The following MAP3K7 variants were observed in gnomAD, a reference collection of about 807,000 sequenced individuals.
MAP3K7 encodes mitogen-activated protein kinase kinase kinase 7.
MAP3K7 carries 21 observed loss-of-function variants against 84.8 expected under a neutral mutation model. That is an observed-to-expected ratio of 0.25 (90% CI 0.18 to 0.36). The LOEUF is 0.36. MAP3K7 is among the 10% of genes least tolerant of loss of function. The pLI is 1.00. For missense variants in MAP3K7, 503 were observed against 747.7 expected, an observed-to-expected ratio of 0.67 and a Z score of 3.82; for synonymous variants, 241 against 247.7, an observed-to-expected ratio of 0.97 and a Z score of 0.25.
chr6:90,549,858 A>C (rs1776125576), intron 9 of MAP3K7, among the ~76,000 whole-genome samples: 1 of 152,232 alleles, frequency 6.6e-6, no homozygotes, highest in Non-Finnish European at 1.5e-5. Context: ...ATTTTTCAAT[A>C]AATGCAGGGT....
chr6:90,543,686 C>T (rs1332022857), intron 12 of MAP3K7, among the ~76,000 whole-genome samples: 1 of 151,998 alleles, frequency 6.6e-6, no homozygotes, highest in Non-Finnish European at 1.5e-5. Flanking sequence ...CCAACTCGCA[C>T]TCATGAACGT....
rs762460576 is a variant in MAP3K7 at position 90,523,741 on chromosome 6, T to C, written c.1399A>G (p.Thr467Ala). Residue 467 changes from threonine to alanine, a missense_variant, in exon 14 of 17, where the codon ACC (threonine) becomes GCC (alanine). By Grantham distance (58) the Thr-to-Ala change is moderately conservative. Coordinates refer to ENST00000369329, the MANE Select transcript of MAP3K7 (RefSeq NM_145331.3). ...SSSPSVRMIT[T>A]SGPTSEKPTR... is the part of the protein sequence containing the mutation. ...GGCTTTTCTGAGGTTGGTCCTGAGG[T>C]AGTAATCATTCTGACACTGGGACTG... 1.4e-5 allele frequency: 22 copies of C among 1,613,140 alleles called. No homozygotes were observed. Among genetic ancestry groups the C allele is most frequent in the South Asian group, 3.3e-5 (3 of 91,022 alleles).
At chr6:90,579,685 TTA>T (rs1777204319) in intron 1 of MAP3K7, among the ~76,000 whole-genome samples, 1 of 152,234 alleles carries the variant, frequency 6.6e-6, no homozygotes, top group Admixed American at 6.5e-5. Flanking sequence ...CTCATTTTAA[TTA>T]AGTCAATTCT....
At chr6:90,525,562 C>A (rs1336544784) in intron 13 of MAP3K7, among the ~76,000 whole-genome samples, 1 of 151,526 alleles carries the variant, frequency 6.6e-6, no homozygotes, top group Non-Finnish European at 1.5e-5. Flanking sequence ...GACATATCCA[C>A]CATCACAGTG....
intron 1 of MAP3K7, among the ~76,000 whole-genome samples, chr6:90,575,664 G>A (rs1233787250): frequency 6.6e-6 from 1 of 152,132 alleles, no homozygotes. Flanking sequence ...TTAGAGGTCT[G>A]TGGGATGGTA....
intron 4 of MAP3K7, 70 bp downstream of exon 4, chr6:90,561,552 T>C: frequency 8.5e-7 from 1 of 1,173,870 alleles, no homozygotes; most frequent in Non-Finnish European, 1.2e-6. Flanking sequence ...GTTAAACAAC[T>C]TAGGGTTTAT....
At chr6:90,543,448 T>C (rs750542376) in intron 12 of MAP3K7, among the ~76,000 whole-genome samples, 39 of 152,092 alleles carry the variant, frequency 2.6e-4, no homozygotes, top group Non-Finnish European at 4.9e-4. Flanking sequence ...TAAATGTATT[T>C]ATTAAACACT....
intron 3 of MAP3K7, among the ~76,000 whole-genome samples, chr6:90,565,630 A>G (rs953737369): frequency 6.6e-6 from 1 of 152,194 alleles, no homozygotes; most frequent in Non-Finnish European, 1.5e-5. Flanking sequence ...ATTCTACCAG[A>G]GGTACAAAGA....
rs183844180 is a variant in MAP3K7, at chr6:90,560,339, C to A, written c.344-125G>T. 64 of 941,568 alleles carry A rather than the reference C, an allele frequency of 6.8e-5. 1 individual carries two copies. The East Asian group carries it at 8.0e-4, about 12-fold the overall frequency. 58.3% of individuals were successfully genotyped at this position (941,568 alleles called of 1,614,324 possible). A position where few individuals can be genotyped will look rare whatever the true frequency, so the allele number is the denominator to read the frequency against. ...CTACATATACATATGCTCCATCAGT[C>A]CTGCTTTTAATTTTTTACTTTCTTT... On this transcript the variant is annotated intron_variant, in intron 4 of 16. Coordinates refer to ENST00000369329, the MANE Select transcript of MAP3K7 (RefSeq NM_145331.3).
intron 1 of MAP3K7, among the ~76,000 whole-genome samples, chr6:90,580,825 G>T (rs1232155070): frequency 6.6e-6 from 1 of 152,118 alleles, no homozygotes; most frequent in Non-Finnish European, 1.5e-5. Flanking sequence ...TTAAAAGGGA[G>T]GTCAATTTGG....
At position 90,515,288 on chromosome 6, in the gene MAP3K7, GT is replaced by G. The variant is rs1314532682; in HGVS notation, c.*1212del. The G allele has an allele frequency of 6.6e-6, 1 of 151,906 alleles. No homozygotes were observed. Among genetic ancestry groups the G allele is most frequent in the African/African-American group, 2.4e-5 (1 of 41,408 alleles). 9.4% of individuals were successfully genotyped at this position (151,906 alleles called of 1,614,324 possible). ...TTAACACCAACTGAAAAAATATAGA[GT>G]TTGTATAGTCTATTATTTCAGTGTC... On this transcript the variant is annotated 3_prime_UTR_variant, in exon 17 of 17. Transcript: ENST00000369329.
intron 3 of MAP3K7, among the ~76,000 whole-genome samples, chr6:90,565,946 G>A (rs1776688630): frequency 6.6e-6 from 1 of 152,112 alleles, no homozygotes; most frequent in Non-Finnish European, 1.5e-5. Context: ...CATATAAACA[G>A]AACCAATGAC....
chr6:90,546,286 T>C (rs1775997756), intron 11 of MAP3K7, among the ~76,000 whole-genome samples: 1 of 152,088 alleles, frequency 6.6e-6, no homozygotes, highest in South Asian at 2.1e-4. Context: ...GAATATTCTA[T>C]TTAGAAAAAA....
Position 90,552,177 on chromosome 6 carries a change from T to C in MAP3K7, c.739A>G (p.Thr247Ala). ...FRIMWAVHNG[T>A]RPPLIKNLPK... is the part of the protein sequence containing the mutation. ...AAATTTTTTATCAGTGGTGGTCGAG[T>C]ACCTACAATTGAAAATGAGAGGAAG... is the stretch of plus-strand genomic sequence containing the variant. The change falls in exon 8 of 17, where the codon ACT becomes GCT. Residue 247 changes from threonine (T) to alanine (A), a missense_variant and splice_region_variant. Thr to Ala is a moderately conservative substitution (Grantham distance 58). This residue lies in a region of MAP3K7 where 97 missense variants were observed against 270.8 expected (regional missense o/e 0.36). Transcript: ENST00000369329. The C allele has an allele frequency of 6.2e-7, 1 of 1,604,164 alleles. No individual in the cohort carries two copies. Among genetic ancestry groups the C allele is most frequent in the Non-Finnish European group, 8.5e-7 (1 of 1,172,052 alleles).
At position 90,550,528 on chromosome 6, in the gene MAP3K7, G is replaced by A; in HGVS notation, c.889C>T (p.Pro297Ser). ...LMRYFPGADE[P>S]LQYPCQYSDE... ...GAATACTGACAAGGATACTGTAATG[G>A]CTCATCTGCTCCTGGAAAGTACTAT... The change falls in exon 9 of 17, where the codon CCA (proline) becomes TCA (serine). Residue 297 changes from proline to serine, a missense_variant. Coordinates refer to ENST00000369329, the MANE Select transcript of MAP3K7 (RefSeq NM_145331.3). The A allele has an allele frequency of 6.2e-7, 1 of 1,609,650 alleles. No individual in the cohort carries two copies. Among genetic ancestry groups the A allele is most frequent in the Non-Finnish European group, 8.5e-7 (1 of 1,176,900 alleles).
intron 12 of MAP3K7, among the ~76,000 whole-genome samples, chr6:90,537,504 T>C (rs1384667991): frequency 6.6e-6 from 1 of 151,996 alleles, no homozygotes; most frequent in Non-Finnish European, 1.5e-5. Context: ...TACAATGGAA[T>C]AAGAATGTTT....
chr6:90,519,390 A>G (rs1015156964), intron 14 of MAP3K7, 71 bp from the exon 15 acceptor site: 14 of 980,376 alleles, frequency 1.4e-5, no homozygotes, highest in African/African-American at 1.2e-4. Flanking sequence ...AGAAAGCATG[A>G]ATGAAATGCT....
chr6:90,568,673 T>A, intron 2 of MAP3K7, 50 bp from the exon 3 acceptor site: 1 of 1,320,004 alleles, frequency 7.6e-7, no homozygotes. Context: ...TTTGAAGTAC[T>A]GATTTCACAG....
intron 13 of MAP3K7, among the ~76,000 whole-genome samples, chr6:90,531,510 A>C (rs892141444): frequency 2.0e-5 from 3 of 152,228 alleles, no homozygotes; most frequent in African/African-American, 7.2e-5. Flanking sequence ...ACAGATAATT[A>C]AATCTATACA....
Sources: gnomAD v4.1 joint callset for allele counts (sites outside exome capture counted in the v4.1 genomes callset) on GRCh38, gnomAD v4.1.1 for gene constraint, gnomAD v4.1.1 regional missense constraint, MANE v1.5 for transcripts, NCBI Gene and HGNC (gene_info 2026-07-23, HGNC 2026-07-21) for gene names.